Variants in NEMP2 observed in about 807,000 individuals in gnomAD.
NEMP2 encodes the protein nuclear envelope integral membrane protein 2.
A neutral mutation model predicts 54.2 loss-of-function variants in NEMP2; 53 were observed. That is an observed-to-expected ratio of 0.98 (90% CI 0.78 to 1.23). The LOEUF (loss-of-function observed/expected upper bound fraction) is 1.23. Among genes scored for constraint, NEMP2 ranks in the 50% most tolerant of loss-of-function variants. The pLI is 0.00. For missense variants in NEMP2, 455 were observed against 511.3 expected (o/e 0.89, Z 1.06); for synonymous variants, 197 against 190.3 (o/e 1.04, Z -0.29).
At chr2:190,447,079 A>C in the NEMP2 span, among the ~76,000 whole-genome samples, 1 of 146,052 alleles carries the variant, frequency 6.8e-6, no homozygotes, top group Admixed American at 6.8e-5. This position sits in a 1 kb window ranked among gnomAD's most constrained non-coding sequence, Gnocchi z 4.5. Context: ...TCTCTGATTC[A>C]TAGGCTCAGT....
In NEMP2 at chr2:190,513,333, T is replaced by C. The variant is rs1690435204; in HGVS notation, c.953+1120A>G. The stretch of plus-strand genomic sequence containing the variant: ...AGATCTGGCAATACAGGACTCATAT[T>C]CCCACACATGAGCAATCAGCTCAAG... On this transcript the variant is annotated intron_variant, in intron 7 of 8. Transcript: ENST00000409150. The surrounding 1 kb of genome is among the most constrained non-coding windows in gnomAD (Gnocchi z 5.3). Among the ~76,000 whole-genome samples the C allele has an allele frequency of 6.6e-6, 1 of 152,226 alleles. No individual in the cohort carries two copies. The highest frequency in any genetic ancestry group is 2.4e-5 in the African/African-American group (1 of 41,458).
At chr2:190,499,791 G>C (rs775459112), downstream of NEMP2, 7 of 1,504,660 alleles carry the variant, frequency 4.7e-6, no homozygotes, top group Admixed American at 4.0e-5. The surrounding 1 kb of genome is among the most constrained non-coding windows in gnomAD (Gnocchi z 6.0). Context: ...CACAAGACAC[G>C]TCTGCTTATA....
Position 190,504,377 on chromosome 2 carries a change from A to G in NEMP2, c.*4812T>C, listed in dbSNP as rs891450485. 4.0e-5 allele frequency: 6 copies of G among 151,896 alleles called. No homozygotes were observed. The highest frequency in any genetic ancestry group is 7.3e-5 in the Non-Finnish European group (5 of 68,034). The allele number at this position is 151,896 out of a possible 1,614,324, so 9.4% of individuals were successfully genotyped here. On this transcript the variant is annotated 3_prime_UTR_variant, in exon 9 of 9. Coordinates refer to ENST00000409150, the MANE Select transcript of NEMP2 (RefSeq NM_001142645.2). This position sits in a 1 kb window ranked among gnomAD's most constrained non-coding sequence, Gnocchi z 5.6. The stretch of plus-strand genomic sequence containing the variant: ...TTTATTGCCATTTAAATCTATAATC[A>G]TATTCCATTCTCCCAATCTACAGTG...
Position 190,534,711 on chromosome 2 carries a change from A to T in NEMP2, c.-56T>A, listed in dbSNP as rs924809792. On this transcript the variant is annotated 5_prime_UTR_variant, in exon 1 of 9. Coordinates refer to ENST00000409150, the MANE Select transcript of NEMP2 (RefSeq NM_001142645.2). ...GCCCTAGGGGACCGGCTCCGCTGCG[A>T]GGAGCGGAAGTGGCGCGGGGGCTCA... The T allele has an allele frequency of 2.5e-6, 3 of 1,191,784 alleles. No individual in the cohort carries two copies. In the African/African-American group the frequency reaches 4.7e-5, roughly 19 times the overall value. The allele number at this position is 1,191,784 out of a possible 1,614,324, so 73.8% of individuals were successfully genotyped here.
At chr2:190,424,763 T>C in the NEMP2 span, among the ~76,000 whole-genome samples, 2 of 152,226 alleles carry the variant, frequency 1.3e-5, no homozygotes, top group Non-Finnish European at 2.9e-5. The surrounding 1 kb of genome is among the most constrained non-coding windows in gnomAD (Gnocchi z 5.9). Context: ...GTGGATTTGT[T>C]CTGGGTTCTG....
At chr2:190,457,071 G>A in the NEMP2 span, among the ~76,000 whole-genome samples, 35,092 of 152,118 alleles carry the variant, frequency 0.23, 4,962 homozygotes, top group South Asian at 0.33. The surrounding 1 kb of genome is among the most constrained non-coding windows in gnomAD (Gnocchi z 5.1). Context: ...CACTAACACT[G>A]CTAGTCCGTT....
At chr2:190,629,710 C>T in the NEMP2 span, 1 of 152,186 alleles carries the variant, frequency 6.6e-6, no homozygotes, top group Admixed American at 6.5e-5. Context: ...ACAGCAGAAA[C>T]AATAGCCAAC....
At chr2:190,468,449 A>G in the NEMP2 span, among the ~76,000 whole-genome samples, 1 of 147,014 alleles carries the variant, frequency 6.8e-6, no homozygotes, top group East Asian at 1.9e-4. Flanking sequence ...GTTTATAGGA[A>G]TGAATTTTTT....
At chr2:190,473,564 T>G in the NEMP2 span, among the ~76,000 whole-genome samples, 1 of 152,116 alleles carries the variant, frequency 6.6e-6, no homozygotes, top group African/African-American at 2.4e-5. Flanking sequence ...GCACCCAGAT[T>G]CATAAAGCAA....
chr2:190,500,475 G>A (rs529406315), downstream of NEMP2: 2 of 490,782 alleles, frequency 4.1e-6, no homozygotes, highest in Admixed American at 6.9e-5. The surrounding 1 kb of genome is among the most constrained non-coding windows in gnomAD (Gnocchi z 5.3). Flanking sequence ...TTCTTTGCTT[G>A]GTTAGGTTAA....
chr2:190,517,665 T>A, intron 4 of NEMP2, 52 bp from the exon 5 acceptor site: 6 of 1,316,754 alleles, frequency 4.6e-6, no homozygotes, highest in Non-Finnish European at 5.3e-6. Flanking sequence ...GCACTTTGAG[T>A]ATGAAAAACA....
At chr2:190,641,414 C>T in the NEMP2 span, 2 of 152,304 alleles carry the variant, frequency 1.3e-5, no homozygotes, top group Non-Finnish European at 2.9e-5. Flanking sequence ...CATCCACCCT[C>T]ATGATGGAGG....
At chr2:190,549,997 A>C in the NEMP2 span, among the ~76,000 whole-genome samples, 1 of 152,204 alleles carries the variant, frequency 6.6e-6, no homozygotes, top group Non-Finnish European at 1.5e-5. Context: ...CTACAAATAA[A>C]ATATCTAATG....
chr2:190,500,176 G>C (rs555460615), downstream of NEMP2: 7 of 1,614,138 alleles, frequency 4.3e-6, no homozygotes, highest in South Asian at 5.5e-5. The surrounding 1 kb of genome is among the most constrained non-coding windows in gnomAD (Gnocchi z 5.3). Flanking sequence ...GCACAGAGGA[G>C]AGTGAAGAGC....
the NEMP2 span, among the ~76,000 whole-genome samples, chr2:190,552,551 T>A: frequency 6.6e-6 from 1 of 151,948 alleles, no homozygotes; most frequent in African/African-American, 2.4e-5. Flanking sequence ...CAAGACCCCA[T>A]CTCTACCAGT....
At chr2:190,516,216 T>C (rs1574297583) in intron 6 of NEMP2, 54 bp downstream of exon 6, 4 of 1,282,468 alleles carry the variant, frequency 3.1e-6, no homozygotes, top group South Asian at 2.9e-5. Flanking sequence ...AGGCCTCTAG[T>C]TGTACATCTC....
At chr2:190,604,411 C>A in the NEMP2 span, among the ~76,000 whole-genome samples, 1 of 152,240 alleles carries the variant, frequency 6.6e-6, no homozygotes, top group Admixed American at 6.5e-5. The surrounding 1 kb of genome is among the most constrained non-coding windows in gnomAD (Gnocchi z 4.5). Flanking sequence ...TCCCTTCTTT[C>A]TACTGAACAC....
chr2:190,427,029 C>A, the NEMP2 span, among the ~76,000 whole-genome samples: 1 of 152,206 alleles, frequency 6.6e-6, no homozygotes, highest in Non-Finnish European at 1.5e-5. Flanking sequence ...AGTAGGCCTC[C>A]TCACATGGCC....
At chr2:190,569,956 G>A in the NEMP2 span, among the ~76,000 whole-genome samples, 3 of 152,218 alleles carry the variant, frequency 2.0e-5, no homozygotes, top group Non-Finnish European at 2.9e-5. Flanking sequence ...CACTCATTGT[G>A]GAATGCCATC....
Sources: allele counts gnomAD v4.1 joint callset (sites outside exome capture counted in the v4.1 genomes callset), GRCh38; gene constraint gnomAD v4.1.1; non-coding constraint Gnocchi (gnomAD v3.1); transcripts MANE v1.5; gene names NCBI Gene and HGNC (gene_info 2026-07-23, HGNC 2026-07-21).